Variants in TOM1L1 observed in about 807,000 individuals in gnomAD.
TOM1L1 encodes target of myb1 like 1 membrane trafficking protein.
Under a neutral mutation model 63.4 loss-of-function variants are expected in TOM1L1, and 64 were observed. The observed-to-expected ratio is 1.01, with a 90% CI of 0.83 to 1.24. TOM1L1 has a LOEUF of 1.24. Among genes scored for constraint, TOM1L1 ranks in the 50% most tolerant of loss-of-function variants. The pLI is 0.00. For missense variants in TOM1L1, 536 were observed against 567.0 expected, an observed-to-expected ratio of 0.95 and a Z score of 0.55; for synonymous variants, 166 against 194.4, an observed-to-expected ratio of 0.85 and a Z score of 1.22.
intron 3 of TOM1L1, among the ~76,000 whole-genome samples, chr17:54,908,127 G>A (rs138021920): frequency 3.5e-4 from 53 of 152,132 alleles, no homozygotes; most frequent in African/African-American, 8.2e-4. Context: ...CCCTTACCTC[G>A]TGGTTTCTGT....
chr17:54,929,925 A>T lies in TOM1L1; in HGVS notation c.721-148A>T, dbSNP rs2048829666. 6 of 877,864 alleles carry T rather than the reference A, an allele frequency of 6.8e-6. No individual in the cohort carries two copies. In the South Asian group the frequency reaches 1.1e-4, roughly 15 times the overall value. 54.4% of individuals were successfully genotyped at this position (877,864 alleles called of 1,614,324 possible). A position where few individuals can be genotyped will look rare whatever the true frequency, so the allele number is the denominator to read the frequency against. On this transcript the variant is annotated intron_variant, in intron 7 of 15. Transcript: ENST00000575882. ...GACTCACTGCCTTCCAATAGGAAGGATAAGCTGTTTATAGTTAAGTACTTT... is the reference window on the plus strand; with the variant it reads ...GACTCACTGCCTTCCAATAGGAAGGTTAAGCTGTTTATAGTTAAGTACTTT...
At position 54,947,499 on chromosome 17, in the gene TOM1L1, G is replaced by T; in HGVS notation, c.1182+187G>T. ...TTTGCTATCTCCACTTCCTTTCCTT[G>T]TATTCTCTTTGACTTCAGACATGCT... On this transcript the variant is annotated intron_variant, in intron 12 of 15. Coordinates refer to ENST00000575882, the MANE Select transcript of TOM1L1 (RefSeq NM_005486.3). 6 of 627,530 alleles carry T rather than the reference G, an allele frequency of 9.6e-6. No homozygotes were observed. In the South Asian group the frequency reaches 1.2e-4, roughly 12 times the overall value. 38.9% of individuals were successfully genotyped at this position (627,530 alleles called of 1,614,324 possible). A position where few individuals can be genotyped will look rare whatever the true frequency, so the allele number is the denominator to read the frequency against.
intron 12 of TOM1L1, among the ~76,000 whole-genome samples, chr17:54,949,138 C>T (rs1189685995): frequency 6.6e-6 from 1 of 151,710 alleles, no homozygotes. Context: ...CCCCTAGGCT[C>T]GTGATCCTCC....
intron 3 of TOM1L1, among the ~76,000 whole-genome samples, chr17:54,911,511 A>G (rs2048496628): frequency 6.6e-6 from 1 of 152,154 alleles, no homozygotes; most frequent in Admixed American, 6.5e-5. Flanking sequence ...TTTTACACCT[A>G]GACCAGCCAT....
chr17:54,956,353 G>A (rs188543375), intron 14 of TOM1L1, among the ~76,000 whole-genome samples: 1 of 151,980 alleles, frequency 6.6e-6, no homozygotes, highest in African/African-American at 2.4e-5. Flanking sequence ...CATTAGGCTG[G>A]AGTATAGTGG....
chr17:54,960,813 AT>A (rs2077102505), intron 15 of TOM1L1, among the ~76,000 whole-genome samples, 186 bp downstream of exon 15: 1 of 152,136 alleles, frequency 6.6e-6, no homozygotes, highest in Non-Finnish European at 1.5e-5. Flanking sequence ...ATTCTTTGTG[AT>A]TTTCTCATCT....
rs746401626 is a variant in TOM1L1, at chr17:54,912,679, G to T, written c.236G>T (p.Cys79Phe). The change falls in exon 4 of 16, where the codon TGT (cysteine) becomes TTT (phenylalanine). Residue 79 changes from cysteine to phenylalanine, a missense_variant. Physicochemically the swap from Cys to Phe is radical, Grantham distance 205 (BLOSUM62 -2). Coordinates refer to ENST00000575882, the MANE Select transcript of TOM1L1 (RefSeq NM_005486.3). ...TTTCTAATTTAGCTTATTGACATGTGTGTGCAGAACTGTGGTCCAAGTTTC... is the reference window on the plus strand; with the variant it reads ...TTTCTAATTTAGCTTATTGACATGTTTGTGCAGAACTGTGGTCCAAGTTTC... ...IQLTLSLIDM[C>F]VQNCGPSFQS... 1.3e-6 allele frequency: 2 copies of T among 1,567,804 alleles called. No homozygotes were observed. The highest frequency in any genetic ancestry group is 1.4e-5 in the African/African-American group (1 of 72,206).
chr17:54,917,984 T>C (rs1177591302), intron 7 of TOM1L1, among the ~76,000 whole-genome samples: 1 of 152,238 alleles, frequency 6.6e-6, no homozygotes, highest in Non-Finnish European at 1.5e-5. Flanking sequence ...CTATCTGGTC[T>C]CAAATGAGAG....
In TOM1L1 at chr17:54,949,553, A is replaced by G. The variant is rs1366561474; in HGVS notation, c.1218A>G (p.Pro406=). 7 of 1,614,058 alleles carry G rather than the reference A, an allele frequency of 4.3e-6. No homozygotes were observed. Among genetic ancestry groups the G allele is most frequent in the South Asian group, 1.1e-5 (1 of 91,084 alleles). Residue 406 remains proline (P), a synonymous_variant, in exon 13 of 16, where the codon CCA becomes CCG. Transcript: ENST00000575882. The part of the protein sequence containing the change: ...LEHSNSVFLQ[P]VSLQTIAAAP... ...ATTCAAATTCAGTGTTTCTACAGCC[A>G]GTTAGTCTACAAACCATTGCAGCAG...
chr17:54,940,386 A>G (rs56175787), intron 11 of TOM1L1, among the ~76,000 whole-genome samples: 31,754 of 152,190 alleles, frequency 0.21, 3,883 homozygotes, highest in Non-Finnish European at 0.27. Context: ...GACAGTTACT[A>G]TGACAAAATT....
chr17:54,956,201 G>C (rs1169313374), intron 14 of TOM1L1, among the ~76,000 whole-genome samples: 1 of 152,168 alleles, frequency 6.6e-6, no homozygotes, highest in Non-Finnish European at 1.5e-5. Flanking sequence ...CTAGAATAAA[G>C]TGGCATGATC....
Position 54,929,998 on chromosome 17 carries a change from G to A in TOM1L1, c.721-75G>A, listed in dbSNP as rs113681133. On this transcript the variant is annotated intron_variant, in intron 7 of 15. Transcript: ENST00000575882. ...AACGTGGAGGTGACTGTAGGTATGCGCAGATTGGTGAGTCAGATGTCTTTA... is the reference window on the plus strand; with the variant it reads ...AACGTGGAGGTGACTGTAGGTATGCACAGATTGGTGAGTCAGATGTCTTTA... 7.6e-5 allele frequency: 121 copies of A among 1,587,940 alleles called. 1 individual carries two copies. Among genetic ancestry groups the A allele is most frequent in the Middle Eastern group, 5.1e-4 (3 of 5,882 alleles).
intron 8 of TOM1L1, among the ~76,000 whole-genome samples, chr17:54,933,308 C>T (rs907124106): frequency 1.3e-5 from 2 of 152,200 alleles, no homozygotes; most frequent in African/African-American, 4.8e-5. Context: ...CTCTCTTCCA[C>T]CTTTAATGAC....
At position 54,914,725 on chromosome 17, in the gene TOM1L1, T is replaced by TA; in HGVS notation, c.586dup (p.Thr196AsnfsTer13). The TA allele has an allele frequency of 2.5e-6, 4 of 1,612,850 alleles. No individual in the cohort carries two copies. The highest frequency in any genetic ancestry group is 3.4e-6 in the Non-Finnish European group (4 of 1,178,956). On this transcript the variant is annotated frameshift_variant, in exon 6 of 16. Coordinates refer to ENST00000575882, the MANE Select transcript of TOM1L1 (RefSeq NM_005486.3). LOFTEE classifies it high-confidence loss of function. The stretch of plus-strand genomic sequence containing the variant: ...TAATTGCTCCAAAGAACTCGACTGT[T>TA]ACATTGGTCCCAGAACAGGTAACAA...
chr17:54,939,866 A>G (rs538471590), intron 11 of TOM1L1, among the ~76,000 whole-genome samples: 1 of 152,216 alleles, frequency 6.6e-6, no homozygotes, highest in East Asian at 1.9e-4. Flanking sequence ...TTCCCATCAT[A>G]CAGGAAAAGA....
chr17:54,960,715 C>T (rs1203342350), intron 15 of TOM1L1, 88 bp downstream of exon 15: 13 of 1,040,078 alleles, frequency 1.2e-5, no homozygotes, highest in Non-Finnish European at 1.8e-5. Flanking sequence ...TTTAAATTTT[C>T]TAAGGGCCAT....
At chr17:54,938,798 T>C in intron 10 of TOM1L1, 126 bp from the exon 11 acceptor site, 2 of 563,240 alleles carry the variant, frequency 3.6e-6, no homozygotes, top group East Asian at 3.0e-5. Flanking sequence ...TAATCTCTTT[T>C]ATTTGGTGGG....
intron 7 of TOM1L1, among the ~76,000 whole-genome samples, chr17:54,922,982 A>G (rs952009397): frequency 2.0e-5 from 3 of 152,258 alleles, no homozygotes; most frequent in Non-Finnish European, 4.4e-5. Context: ...TGGACATTTC[A>G]TATAGGTGGA....
rs772144124 is a variant in TOM1L1, at chr17:54,930,077, T to C, written c.725T>C (p.Leu242Pro). The C allele has an allele frequency of 6.2e-7, 1 of 1,613,898 alleles. No homozygotes were observed. The highest frequency in any genetic ancestry group is 1.7e-5 in the Admixed American group (1 of 59,996). ...TCTCTCTCCTTTCTTTGACAGAAAC[T>C]CTATAAAACAGGTCGGGAGATGCAG... is the stretch of plus-strand genomic sequence containing the variant. Reference protein sequence around the residue: ...NHEDIELLQKLYKTGREMQER... With the variant: ...NHEDIELLQKPYKTGREMQER... Residue 242 changes from leucine (L) to proline (P), a missense_variant, in exon 8 of 16, where the codon CTC becomes CCC. Physicochemically the swap from Leu to Pro is moderately conservative, Grantham distance 98 (BLOSUM62 -3). Coordinates refer to ENST00000575882, the MANE Select transcript of TOM1L1 (RefSeq NM_005486.3).
Sources: gnomAD v4.1 joint callset for allele counts (sites outside exome capture counted in the v4.1 genomes callset) on GRCh38, gnomAD v4.1.1 for gene constraint, MANE v1.5 for transcripts, NCBI Gene and HGNC (gene_info 2026-07-23, HGNC 2026-07-21) for gene names.